ZNF385D: variants seen among roughly 807,000 people sequenced by gnomAD.
The protein encoded by ZNF385D is zinc finger protein 659.
ZNF385D carries 15 observed loss-of-function variants against 35.8 expected under a neutral mutation model. That is an observed-to-expected ratio of 0.42 (90% CI 0.28 to 0.64). The LOEUF is 0.64. Ranked by LOEUF, ZNF385D falls within the 30% of genes least tolerant of loss-of-function variation. The pLI is 0.23. For synonymous variants in ZNF385D, 212 were observed against 186.8 expected (o/e 1.13, Z -1.10); for missense variants, 474 against 494.6 (o/e 0.96, Z 0.39).
At chr3:22,097,977 G>A (rs1238426345) in intron 3 of ZNF385D, among the ~76,000 whole-genome samples, 1 of 151,994 alleles carries the variant, frequency 6.6e-6, no homozygotes, top group African/African-American at 2.4e-5. Context: ...GTTAACCAAT[G>A]ACGATTAAAA....
intron 3 of ZNF385D, among the ~76,000 whole-genome samples, chr3:21,538,122 A>C (rs752853242): frequency 1.3e-5 from 2 of 152,122 alleles, no homozygotes; most frequent in Non-Finnish European, 2.9e-5. Context: ...AGTTGCCATC[A>C]TAAGAGGAAT....
At chr3:21,892,934 C>T (rs1698948593) in intron 3 of ZNF385D, among the ~76,000 whole-genome samples, 1 of 151,998 alleles carries the variant, frequency 6.6e-6, no homozygotes, top group African/African-American at 2.4e-5. Flanking sequence ...TAAAAATAAG[C>T]ATTTTTTGGA....
intron 3 of ZNF385D, among the ~76,000 whole-genome samples, chr3:22,019,898 G>T (rs1697121632): frequency 6.6e-6 from 1 of 151,778 alleles, no homozygotes. Context: ...AGTATACCTA[G>T]TTCACTTATT....
chr3:21,496,828 G>C (rs371861031), intron 4 of ZNF385D, among the ~76,000 whole-genome samples: 1 of 151,862 alleles, frequency 6.6e-6, no homozygotes, highest in African/African-American at 2.4e-5. Flanking sequence ...ATACAAAAAA[G>C]ACTTTCAATA....
rs543326440 is a variant in ZNF385D at position 21,528,330 on chromosome 3, C to T, written c.277-17307G>A. 1.2e-4 allele frequency among the ~76,000 whole-genome samples: 18 copies of T among 152,192 alleles called. No homozygotes were observed. In the South Asian group the frequency reaches 1.5e-3, roughly 12 times the overall value. On this transcript the variant is annotated intron_variant, in intron 3 of 7. Transcript: ENST00000281523. Reference sequence around the variant, plus strand: ...ATCTCAGGGGCATATAAAAGAAATGCGTTTCTTCTTCTGTGACACACAGCC... The same window carrying T: ...ATCTCAGGGGCATATAAAAGAAATGTGTTTCTTCTTCTGTGACACACAGCC...
At chr3:21,555,030 T>C (rs2062684797) in intron 3 of ZNF385D, among the ~76,000 whole-genome samples, 1 of 152,212 alleles carries the variant, frequency 6.6e-6, no homozygotes, top group Admixed American at 6.5e-5. Context: ...GTACATCTAA[T>C]TACCTTCAAG....
intron 2 of ZNF385D, among the ~76,000 whole-genome samples, chr3:22,314,061 A>C (rs563840937): frequency 1.2e-3 from 185 of 152,198 alleles, no homozygotes; most frequent in Non-Finnish European, 2.3e-3. Flanking sequence ...GTGGTTCTCA[A>C]GATTTTTTTC....
chr3:21,467,485 T>A (rs1272512931), intron 4 of ZNF385D, among the ~76,000 whole-genome samples: 2 of 152,168 alleles, frequency 1.3e-5, no homozygotes, highest in East Asian at 3.9e-4. Flanking sequence ...TTTAAGGCAT[T>A]TTTGTAAATC....
chr3:22,003,298 A>G (rs985340362), intron 3 of ZNF385D, among the ~76,000 whole-genome samples: 2 of 152,212 alleles, frequency 1.3e-5, no homozygotes, highest in African/African-American at 4.8e-5. Context: ...TAGCCAAAAC[A>G]GATATCAAGA....
chr3:22,104,342 G>A (rs17010798), intron 3 of ZNF385D, among the ~76,000 whole-genome samples: 22,213 of 151,904 alleles, frequency 0.15, 2,052 homozygotes, highest in African/African-American at 0.26. Context: ...AAAGGATGAC[G>A]TTTTATTACT....
chr3:21,621,554 CGTGTGTGTGTGTGTGT>C (rs58332425), intron 2 of ZNF385D, among the ~76,000 whole-genome samples: 5 of 136,986 alleles, frequency 3.7e-5, no homozygotes, highest in Admixed American at 7.5e-5. Context: ...AAAAAATTCC[CGTGTGTGTGTGTGTGT>C]GTGTGTGTGT....
At chr3:21,824,487 G>A (rs779119263) in intron 3 of ZNF385D, among the ~76,000 whole-genome samples, 3 of 152,082 alleles carry the variant, frequency 2.0e-5, no homozygotes, top group Non-Finnish European at 2.9e-5. Flanking sequence ...ATATGCATAT[G>A]TACATACATT....
At position 22,372,473 on chromosome 3, in the gene ZNF385D, G is replaced by GC. The variant is rs1205541595; in HGVS notation, c.82dup (p.Ala28GlyfsTer19). 1.0e-6 allele frequency: 1 copy of GC among 985,794 alleles called. No homozygotes were observed. The highest frequency in any genetic ancestry group is 1.2e-6 in the Non-Finnish European group (1 of 829,958). 61.1% of individuals were successfully genotyped at this position (985,794 alleles called of 1,614,324 possible). A position where few individuals can be genotyped will look rare whatever the true frequency, so the allele number is the denominator to read the frequency against. On this transcript the variant is annotated frameshift_variant, in exon 2 of 6. Transcript: ENST00000494108. LOFTEE classifies it high-confidence loss of function. ...ACCGCGGCTGGGCTGAGCTTTCGGCGCCCCCAGGAGCTTTTCTCTCCTTCC... is the reference window on the plus strand; with the variant it reads ...ACCGCGGCTGGGCTGAGCTTTCGGCGCCCCCCAGGAGCTTTTCTCTCCTTCC...
intron 3 of ZNF385D, among the ~76,000 whole-genome samples, chr3:22,147,621 A>G (rs575903430): frequency 6.6e-6 from 1 of 152,296 alleles, no homozygotes; most frequent in South Asian, 2.1e-4. Context: ...TAGGCACCTT[A>G]TATGTATTAA....
intron 3 of ZNF385D, among the ~76,000 whole-genome samples, chr3:22,096,256 A>C (rs1026329505): frequency 6.6e-6 from 1 of 151,982 alleles, no homozygotes; most frequent in Non-Finnish European, 1.5e-5. Context: ...TTGTACCCCA[A>C]ACCTCAGCAT....
At chr3:22,068,769 C>T (rs1025622905) in intron 3 of ZNF385D, among the ~76,000 whole-genome samples, 6 of 152,192 alleles carry the variant, frequency 3.9e-5, no homozygotes, top group Admixed American at 1.3e-4. Context: ...ACAGCTGACA[C>T]GTGAAGAAAA....
intron 1 of ZNF385D, among the ~76,000 whole-genome samples, chr3:21,700,429 G>A (rs951163629): frequency 2.0e-5 from 3 of 152,114 alleles, no homozygotes; most frequent in Non-Finnish European, 2.9e-5. Context: ...CCCAAAGCCT[G>A]GACTTATATA....
intron 3 of ZNF385D, among the ~76,000 whole-genome samples, chr3:21,816,714 G>A (rs193102093): frequency 2.6e-5 from 4 of 152,278 alleles, no homozygotes; most frequent in Admixed American, 2.6e-4. Flanking sequence ...AACATTCCAT[G>A]CTCATAGATA....
chr3:21,538,082 T>C (rs767724570), intron 3 of ZNF385D, among the ~76,000 whole-genome samples: 2 of 152,192 alleles, frequency 1.3e-5, no homozygotes, highest in African/African-American at 2.4e-5. Context: ...ATGACTCCAA[T>C]ATGTTTAGCC....
Sources: allele counts gnomAD v4.1 joint callset (sites outside exome capture counted in the v4.1 genomes callset), GRCh38; gene constraint gnomAD v4.1.1; transcripts MANE v1.5; gene names NCBI Gene and HGNC (gene_info 2026-07-23, HGNC 2026-07-21).